Variants in SEPTIN1 observed in about 807,000 individuals in gnomAD.
SEPTIN1 encodes septin 1.
Under a neutral mutation model 50.7 loss-of-function variants are expected in SEPTIN1, and 52 were observed. The observed-to-expected ratio is 1.03, with a 90% CI of 0.82 to 1.29. The LOEUF (loss-of-function observed/expected upper bound fraction) is 1.29. SEPTIN1 is among the 50% of genes most tolerant of loss of function. SEPTIN1 has a pLI of 0.00. For missense variants in SEPTIN1, 455 were observed against 490.7 expected (o/e 0.93, Z 0.69); for synonymous variants, 204 against 189.1 (o/e 1.08, Z -0.65).
At chr16:30,380,136 G>T in intron 6 of SEPTIN1, 103 bp from the exon 7 acceptor site, 2 of 902,088 alleles carry the variant, frequency 2.2e-6, no homozygotes, top group Non-Finnish European at 3.2e-6. Flanking sequence ...GTCAGAGACA[G>T]AGAGAAAGAC....
In SEPTIN1 at chr16:30,381,009, C is replaced by T. The variant is rs1296168614; in HGVS notation, c.573+118G>A. 2 of 853,592 alleles carry T rather than the reference C, an allele frequency of 2.3e-6. No homozygotes were observed. Among genetic ancestry groups the T allele is most frequent in the African/African-American group, 3.3e-5 (2 of 59,814 alleles). 52.9% of individuals were successfully genotyped at this position (853,592 alleles called of 1,614,324 possible). A position where few individuals can be genotyped will look rare whatever the true frequency, so the allele number is the denominator to read the frequency against. On this transcript the variant is annotated intron_variant, in intron 6 of 10. Transcript: ENST00000321367. This position sits in a 1 kb window ranked among gnomAD's most constrained non-coding sequence, Gnocchi z 4.3. ...CCACCCGCCTTCCTCAGAAGCTTCT[C>T]CTACAATCTAGCCTGATGCACCATG... is the stretch of plus-strand genomic sequence containing the variant.
rs1284738381 is a variant in SEPTIN1, at chr16:30,380,048, A to C, written c.574-15T>G. ...TGATCCCGGATCTCAGGGGAAACAG[A>C]TATAGAGACAGTGTGAAACGGGCCA... On this transcript the variant is annotated splice_polypyrimidine_tract_variant and intron_variant, in intron 6 of 10. Coordinates refer to ENST00000321367, the MANE Select transcript of SEPTIN1 (RefSeq NM_001365977.2). 4 of 1,600,730 alleles carry C rather than the reference A, an allele frequency of 2.5e-6. No individual in the cohort carries two copies. The African/African-American group carries it at 5.4e-5, about 22-fold the overall frequency.
At position 30,381,522 on chromosome 16, in the gene SEPTIN1, AG is replaced by A. The variant is rs2049849286; in HGVS notation, c.321-50del. 1.2e-6 allele frequency: 2 copies of A among 1,606,596 alleles called. No homozygotes were observed. The highest frequency in any genetic ancestry group is 1.7e-6 in the Non-Finnish European group (2 of 1,174,146). On this transcript the variant is annotated intron_variant, in intron 4 of 10. Coordinates refer to ENST00000321367, the MANE Select transcript of SEPTIN1 (RefSeq NM_001365977.2). The surrounding 1 kb of genome is among the most constrained non-coding windows in gnomAD (Gnocchi z 4.3). The stretch of plus-strand genomic sequence containing the variant: ...GGTCAGAGATCAAAGGCCAGAGGGC[AG>A]GGGGCAAGGCTAGCCAGGACTGTGG...
chr16:30,382,124 G>T lies in SEPTIN1; in HGVS notation c.165C>A (p.Leu55=). ...TLINSLFLTN[L]YEDRQVPEAS... is the part of the protein sequence containing the mutation. Reference sequence around the variant, plus strand: ...CCTCTGGCACCTGGCGATCCTCATAGAGGTTGGTGAGGAAGAGGCTGTTGA... The same window carrying T: ...CCTCTGGCACCTGGCGATCCTCATATAGGTTGGTGAGGAAGAGGCTGTTGA... Residue 55 remains leucine (L), a synonymous_variant, in exon 3 of 11, where the codon CTC becomes CTA. Coordinates refer to ENST00000321367, the MANE Select transcript of SEPTIN1 (RefSeq NM_001365977.2). The surrounding 1 kb of genome is among the most constrained non-coding windows in gnomAD (Gnocchi z 4.8). 6.3e-7 allele frequency: 1 copy of T among 1,588,202 alleles called. No homozygotes were observed. Among genetic ancestry groups the T allele is most frequent in the Non-Finnish European group, 8.6e-7 (1 of 1,166,918 alleles).
intron 9 of SEPTIN1, 109 bp from the exon 10 acceptor site, chr16:30,378,809 G>A (rs1191312801): frequency 1.7e-5 from 19 of 1,115,304 alleles, no homozygotes; most frequent in Admixed American, 2.5e-5. Context: ...GGCGGAGCCA[G>A]TTCCTTGAGG....
In SEPTIN1 at chr16:30,379,989, G is replaced by T; in HGVS notation, c.618C>A (p.Phe206Leu). 6.2e-7 allele frequency: 1 copy of T among 1,611,386 alleles called. No homozygotes were observed. Among genetic ancestry groups the T allele is most frequent in the East Asian group, 2.2e-5 (1 of 44,810 alleles). ...CATCTTCATCAGAGTCACATTCGGG[G>T]AACTGGTAGATGTGGATCTCCTCTT... ...LKEEEIHIYQ[F>L]PECDSDEDED... Residue 206 changes from phenylalanine (F) to leucine (L), a missense_variant, in exon 7 of 11, where the codon TTC becomes TTA. Transcript: ENST00000321367.
At chr16:30,378,738 G>C in intron 9 of SEPTIN1, 38 bp from the exon 10 acceptor site, 1 of 1,587,138 alleles carries the variant, frequency 6.3e-7, no homozygotes, top group South Asian at 1.1e-5. Context: ...ATCAGGAGCG[G>C]GACCTGAGGT....
intron 8 of SEPTIN1, 97 bp downstream of exon 8, chr16:30,379,338 G>A (rs1597003415): frequency 1.4e-6 from 2 of 1,433,752 alleles, no homozygotes; most frequent in East Asian, 4.6e-5. Context: ...GGATCCCCTG[G>A]GACCAAAGCC....
rs758269603 is a variant in SEPTIN1 at position 30,381,611 on chromosome 16, G to C, written c.321-138C>G. 1.8e-4 allele frequency: 268 copies of C among 1,457,268 alleles called. No homozygotes were observed. The highest frequency in any genetic ancestry group is 2.3e-4 in the Non-Finnish European group (243 of 1,065,542). The allele number at this position is 1,457,268 out of a possible 1,614,324, so 90.3% of individuals were successfully genotyped here. On this transcript the variant is annotated intron_variant, in intron 4 of 10. Coordinates refer to ENST00000321367, the MANE Select transcript of SEPTIN1 (RefSeq NM_001365977.2). This position sits in a 1 kb window ranked among gnomAD's most constrained non-coding sequence, Gnocchi z 4.3. The stretch of plus-strand genomic sequence containing the variant: ...TTAAGGGGAACTGGTGGGGGCCTAG[G>C]TGAGTCATCAAGAAGCACAGGGACC...
Position 30,381,714 on chromosome 16 carries a change from C to T in SEPTIN1, c.320+46G>A, listed in dbSNP as rs543397344. The T allele has an allele frequency of 6.8e-6, 11 of 1,607,018 alleles. No homozygotes were observed. Among genetic ancestry groups the T allele is most frequent in the Admixed American group, 3.4e-5 (2 of 59,040 alleles). On this transcript the variant is annotated intron_variant, in intron 4 of 10. Coordinates refer to ENST00000321367, the MANE Select transcript of SEPTIN1 (RefSeq NM_001365977.2). This position sits in a 1 kb window ranked among gnomAD's most constrained non-coding sequence, Gnocchi z 4.3. ...CCAGTCCTGTAACTCTCCAGGGAGTCGCCACTGTGAAAGGCTGAGCCTCTG... is the reference window on the plus strand; with the variant it reads ...CCAGTCCTGTAACTCTCCAGGGAGTTGCCACTGTGAAAGGCTGAGCCTCTG...
intron 6 of SEPTIN1, 175 bp downstream of exon 6, chr16:30,380,952 G>A: frequency 1.5e-6 from 1 of 674,020 alleles, no homozygotes. Context: ...CCTATTTTGA[G>A]CCTTCAGAGA....
intron 8 of SEPTIN1, 90 bp from the exon 9 acceptor site, chr16:30,379,273 G>T: frequency 1.3e-6 from 2 of 1,539,598 alleles, no homozygotes; most frequent in Non-Finnish European, 1.8e-6. Flanking sequence ...AAGTCCTGCT[G>T]CCACTCTAGC....
chr16:30,379,316 C>T (rs556315922), intron 8 of SEPTIN1, 119 bp downstream of exon 8: 1 of 1,435,628 alleles, frequency 7.0e-7, no homozygotes, highest in Admixed American at 1.8e-5. Context: ...CAGCGACCCC[C>T]CTTTCCTCCT....
At position 30,381,743 on chromosome 16, in the gene SEPTIN1, C is replaced by T. The variant is rs924064517; in HGVS notation, c.320+17G>A. 1.7e-5 allele frequency: 27 copies of T among 1,613,436 alleles called. 1 individual carries two copies. In the Admixed American group the frequency reaches 2.5e-4, roughly 15 times the overall value. ...ACTGTGAAAGGCTGAGCCTCTGTCC[C>T]CTTTCCTCTTCCTCACCAGTCAGAG... On this transcript the variant is annotated intron_variant, in intron 4 of 10. Coordinates refer to ENST00000321367, the MANE Select transcript of SEPTIN1 (RefSeq NM_001365977.2). The surrounding 1 kb of genome is among the most constrained non-coding windows in gnomAD (Gnocchi z 4.3).
In SEPTIN1 at chr16:30,381,957, G is replaced by C; in HGVS notation, c.197-74C>G. The C allele has an allele frequency of 6.2e-7, 1 of 1,607,556 alleles. No homozygotes were observed. The highest frequency in any genetic ancestry group is 2.2e-5 in the East Asian group (1 of 44,846). On this transcript the variant is annotated intron_variant, in intron 3 of 10. Transcript: ENST00000321367. This position sits in a 1 kb window ranked among gnomAD's most constrained non-coding sequence, Gnocchi z 4.3. ...ATTAATTTCCTTTGTCAATATCACAGTTGCCTGCACCCATTTCCCAGGGGA... is the reference window on the plus strand; with the variant it reads ...ATTAATTTCCTTTGTCAATATCACACTTGCCTGCACCCATTTCCCAGGGGA...
intron 9 of SEPTIN1, 98 bp downstream of exon 9, chr16:30,378,920 G>T: frequency 1.6e-6 from 2 of 1,251,950 alleles, no homozygotes; most frequent in Non-Finnish European, 2.2e-6. Context: ...TCTGAGTGGT[G>T]AAGGCGGAGT....
chr16:30,379,025 T>C lies in SEPTIN1; in HGVS notation c.934A>G (p.Ser312Gly). Residue 312 changes from serine to glycine, a missense_variant, in exon 9 of 11, where the codon AGC becomes GGC. By Grantham distance (56) the Ser-to-Gly change is moderately conservative. Coordinates refer to ENST00000321367, the MANE Select transcript of SEPTIN1 (RefSeq NM_001365977.2). ...LARPGARDRA[S>G]RSKLSRQSAT... Reference sequence around the variant, plus strand: ...GTCCGCCCCGGGTCTCACCTGCGGCTGGCTCGATCGCGAGCCCCAGGCCGG... The same window carrying C: ...GTCCGCCCCGGGTCTCACCTGCGGCCGGCTCGATCGCGAGCCCCAGGCCGG... The C allele has an allele frequency of 3.1e-6, 5 of 1,612,832 alleles. No individual in the cohort carries two copies. The highest frequency in any genetic ancestry group is 4.2e-6 in the Non-Finnish European group (5 of 1,179,732).
intron 6 of SEPTIN1, 23 bp from the exon 7 acceptor site, chr16:30,380,056 A>C (rs1043931120): frequency 6.9e-6 from 11 of 1,582,980 alleles, no homozygotes; most frequent in Non-Finnish European, 9.5e-6. Context: ...AGATATAGAG[A>C]CAGTGTGAAA....
In SEPTIN1 at chr16:30,378,520, G is replaced by A. The variant is rs2049784225; in HGVS notation, c.1033C>T (p.Leu345=). The stretch of plus-strand genomic sequence containing the variant: ...TCCAGCATCTCTTGCATGCGGCGCA[G>A]CTGTGCAGGGCGAGATTGCAGGCGG... ...EKLIREKDEE[L]RRMQEMLEKM... The change falls in exon 11 of 11, where the codon CTG becomes TTG. Residue 345 remains leucine, a splice_region_variant and synonymous_variant. Coordinates refer to ENST00000321367, the MANE Select transcript of SEPTIN1 (RefSeq NM_001365977.2). The A allele has an allele frequency of 1.3e-6, 2 of 1,591,052 alleles. No individual in the cohort carries two copies. The highest frequency in any genetic ancestry group is 2.2e-5 in the South Asian group (2 of 89,846).
Sources: gnomAD v4.1 joint callset for allele counts on GRCh38, gnomAD v4.1.1 for gene constraint, Gnocchi (gnomAD v3.1) non-coding constraint, MANE v1.5 for transcripts, NCBI Gene and HGNC (gene_info 2026-07-23, HGNC 2026-07-21) for gene names.